The following PCDH15 variants were observed in gnomAD, a reference collection of about 807,000 sequenced individuals.
PCDH15 encodes protocadherin-15.
Under a neutral mutation model 178.5 loss-of-function variants are expected in PCDH15, and 129 were observed. That is an observed-to-expected ratio of 0.72 (90% confidence interval 0.63 to 0.84). The LOEUF is 0.84. Among genes scored for constraint, PCDH15 ranks in the 40% least tolerant of loss-of-function variants. The probability of loss-of-function intolerance (pLI) is 0.00; values close to 1 mark genes in which losing one functional copy is unlikely to be tolerated. For missense variants in PCDH15, 2,230 were observed against 2,099.9 expected (o/e 1.06, Z -1.21); for synonymous variants, 800 against 732.0 (o/e 1.09, Z -1.50).
rs932180161 is a variant in PCDH15, at chr10:54,866,294, G to C, written c.-29+31156C>G. Reference sequence around the variant, plus strand: ...ATTTAATTTATGCCAACTATTAAAAGTCTAACCCTTTTGCTAATGAACAGT... The same window carrying C: ...ATTTAATTTATGCCAACTATTAAAACTCTAACCCTTTTGCTAATGAACAGT... On this transcript the variant is annotated intron_variant, in intron 3 of 5. Transcript: ENST00000458638. Among the ~76,000 whole-genome samples the C allele has an allele frequency of 2.6e-5, 4 of 152,098 alleles. No homozygotes were observed. The South Asian group carries it at 8.3e-4, about 31-fold the overall frequency.
In PCDH15 at chr10:54,121,996, G is replaced by GACACAGAC. The variant is rs756158522; in HGVS notation, c.1917+10878_1917+10879insGTCTGTGT. ...TCACCTAATATCTAAACCGGGCAAA[G>GACACAGAC]ACACATACACACACACACACACACA... is the stretch of plus-strand genomic sequence containing the variant. On this transcript the variant is annotated intron_variant, in intron 15 of 37. Coordinates refer to ENST00000644397, the MANE Select transcript of PCDH15 (RefSeq NM_001384140.1). 3.8e-3 allele frequency among the ~76,000 whole-genome samples: 365 copies of GACACAGAC among 95,900 alleles called. 3 individuals carry two copies. Among genetic ancestry groups the GACACAGAC allele is most frequent in the African/African-American group, 0.012 (328 of 27,806 alleles). The allele number at this position is 95,900 out of a possible 152,430, so 62.9% of individuals were successfully genotyped here.
chr10:55,121,027 A>G (rs1837753650), intron 2 of PCDH15, among the ~76,000 whole-genome samples: 1 of 152,152 alleles, frequency 6.6e-6, no homozygotes, highest in Non-Finnish European at 1.5e-5. Context: ...CCAAAACTGT[A>G]GAACTACAAG....
intron 3 of PCDH15, among the ~76,000 whole-genome samples, chr10:54,885,168 T>C (rs1954333503): frequency 6.6e-6 from 1 of 152,028 alleles, no homozygotes; most frequent in African/African-American, 2.4e-5. Context: ...TCAAGTTGTT[T>C]TGGTCATTAC....
intron 1 of PCDH15, among the ~76,000 whole-genome samples, chr10:55,271,294 A>T (rs1842438048): frequency 6.6e-6 from 1 of 152,110 alleles, no homozygotes; most frequent in South Asian, 2.1e-4. Flanking sequence ...AAATCTAATT[A>T]AAAATATTTT....
At chr10:54,834,151 T>A (rs181589680) in intron 3 of PCDH15, among the ~76,000 whole-genome samples, 4 of 152,074 alleles carry the variant, frequency 2.6e-5, no homozygotes, top group African/African-American at 9.6e-5. Context: ...CATTGCCTAC[T>A]ACCTATCAAA....
At chr10:55,059,201 T>C (rs1281727119) in intron 2 of PCDH15, among the ~76,000 whole-genome samples, 4 of 152,092 alleles carry the variant, frequency 2.6e-5, no homozygotes. Flanking sequence ...CATGTGACTA[T>C]ATAAAAAAAG....
chr10:53,825,020 G>A, intron 32 of PCDH15: 1 of 1,263,492 alleles, frequency 7.9e-7, no homozygotes, highest in Non-Finnish European at 1.0e-6. Flanking sequence ...TTAACAGTAA[G>A]TGAGTCTGTG....
At chr10:54,363,856 T>G (rs1336172041) in intron 5 of PCDH15, among the ~76,000 whole-genome samples, 1 of 152,058 alleles carries the variant, frequency 6.6e-6, no homozygotes, top group Non-Finnish European at 1.5e-5. Context: ...TTATAATCCA[T>G]GGATGGATTA....
At chr10:54,957,368 G>C (rs74138830) in intron 2 of PCDH15, among the ~76,000 whole-genome samples, 238 of 151,690 alleles carry the variant, frequency 1.6e-3, no homozygotes, top group African/African-American at 5.6e-3. Flanking sequence ...TTGAGATTTG[G>C]AGAGCAAAAT....
At chr10:53,913,211 A>G (rs563355800) in intron 25 of PCDH15, among the ~76,000 whole-genome samples, 3 of 152,346 alleles carry the variant, frequency 2.0e-5, no homozygotes, top group Admixed American at 2.0e-4. Context: ...TATTTAATGA[A>G]TGGTGCTGGG....
At chr10:55,057,539 A>G (rs1469397688) in intron 2 of PCDH15, among the ~76,000 whole-genome samples, 1 of 152,102 alleles carries the variant, frequency 6.6e-6, no homozygotes, top group Non-Finnish European at 1.5e-5. Context: ...ACACTCTACA[A>G]GTTGCTGTGG....
At chr10:53,961,696 A>C in intron 22 of PCDH15, 56 bp downstream of exon 22, 2 of 1,384,630 alleles carry the variant, frequency 1.4e-6, no homozygotes, top group Non-Finnish European at 1.9e-6. Context: ...GTTAAGCCAA[A>C]TTCTCTATCA....
chr10:54,891,367 A>G (rs553415879), intron 3 of PCDH15, among the ~76,000 whole-genome samples: 1 of 152,174 alleles, frequency 6.6e-6, no homozygotes, highest in Middle Eastern at 3.4e-3. Context: ...TGGCCTTCAG[A>G]CCTACTTTAG....
chr10:55,342,485 A>G (rs892223494), intron 2 of PCDH15, among the ~76,000 whole-genome samples: 1 of 151,472 alleles, frequency 6.6e-6, no homozygotes, highest in Non-Finnish European at 1.5e-5. Flanking sequence ...TAGTTTTTAA[A>G]TTTTTTAAAA....
At chr10:55,522,083 A>G (rs1841189371) in intron 2 of PCDH15, among the ~76,000 whole-genome samples, 1 of 151,976 alleles carries the variant, frequency 6.6e-6, no homozygotes, top group Non-Finnish European at 1.5e-5. Flanking sequence ...TTGCTGGATC[A>G]TGTGGTACTT....
intron 2 of PCDH15, among the ~76,000 whole-genome samples, chr10:55,472,411 G>A (rs560573458): frequency 3.5e-5 from 5 of 143,148 alleles, no homozygotes; most frequent in African/African-American, 1.3e-4. Context: ...TTTTATGTAT[G>A]TTAATGCTAT....
chr10:54,258,363 C>T (rs962161830), intron 8 of PCDH15, among the ~76,000 whole-genome samples: 12 of 152,164 alleles, frequency 7.9e-5, no homozygotes, highest in African/African-American at 2.4e-4. Context: ...AGGAAAAACA[C>T]AGTGAATATT....
At chr10:54,739,072 G>A (rs557354206) in intron 1 of PCDH15, among the ~76,000 whole-genome samples, 1 of 151,952 alleles carries the variant, frequency 6.6e-6, no homozygotes, top group Non-Finnish European at 1.5e-5. Context: ...GAGGAATGAA[G>A]CAATAAAAGT....
intron 1 of PCDH15, among the ~76,000 whole-genome samples, chr10:54,771,965 T>C (rs1949146519): frequency 6.6e-6 from 1 of 152,154 alleles, no homozygotes; most frequent in Non-Finnish European, 1.5e-5. Flanking sequence ...TTGTAATTCT[T>C]TATAAGTATT....
Sources: allele counts gnomAD v4.1 joint callset (sites outside exome capture counted in the v4.1 genomes callset), GRCh38; gene constraint gnomAD v4.1.1; transcripts MANE v1.5; gene names NCBI Gene and HGNC (gene_info 2026-07-23, HGNC 2026-07-21).